CEP112: variants seen among roughly 807,000 people sequenced by gnomAD.
CEP112 encodes the protein centrosomal protein of 112 kDa.
Under a neutral mutation model 153.0 loss-of-function variants are expected in CEP112, and 127 were observed. The observed-to-expected ratio is 0.83, with a 90% CI of 0.72 to 0.96. The LOEUF (loss-of-function observed/expected upper bound fraction) is 0.96. Ranked by LOEUF, CEP112 falls within the 40% of genes least tolerant of loss-of-function variation. The pLI, the probability that CEP112 is intolerant of heterozygous loss-of-function variation, is 0.00. For synonymous variants in CEP112, 358 were observed against 374.4 expected, an observed-to-expected ratio of 0.96 and a Z score of 0.51; for missense variants, 1,089 against 1,101.2, an observed-to-expected ratio of 0.99 and a Z score of 0.16.
chr17:66,151,409 T>A (rs1010093271), intron 4 of CEP112, among the ~76,000 whole-genome samples: 1 of 152,232 alleles, frequency 6.6e-6, no homozygotes, highest in African/African-American at 2.4e-5. Flanking sequence ...CTAGGCAACA[T>A]CTAAGATGGC....
At chr17:66,101,060 G>A (rs2146309858) in intron 6 of CEP112, among the ~76,000 whole-genome samples, 1 of 152,158 alleles carries the variant, frequency 6.6e-6, no homozygotes, top group East Asian at 1.9e-4. Flanking sequence ...AAAATCCGAT[G>A]TGATATGCCG....
At chr17:66,055,867 A>G (rs1223930334) in intron 11 of CEP112, among the ~76,000 whole-genome samples, 1 of 152,192 alleles carries the variant, frequency 6.6e-6, no homozygotes, top group East Asian at 1.9e-4. Context: ...CTCATAGTCT[A>G]ACCAGAGGTG....
intron 4 of CEP112, among the ~76,000 whole-genome samples, chr17:66,162,001 G>A (rs528541951): frequency 1.3e-5 from 2 of 151,750 alleles, no homozygotes; most frequent in East Asian, 3.9e-4. Context: ...ATTCTCTTAC[G>A]GCAGCACGAA....
At chr17:65,638,752 G>T (rs565860250) in intron 25 of CEP112, among the ~76,000 whole-genome samples, 5 of 152,068 alleles carry the variant, frequency 3.3e-5, no homozygotes, top group Non-Finnish European at 5.9e-5. Flanking sequence ...TGACTCCTGC[G>T]TGCAGCTGCC....
intron 16 of CEP112, among the ~76,000 whole-genome samples, chr17:66,008,347 TTCC>T (rs2064362531): frequency 6.6e-6 from 1 of 152,110 alleles, no homozygotes; most frequent in Non-Finnish European, 1.5e-5. Flanking sequence ...CAGATACTTA[TTCC>T]TCCTGTCTAA....
intron 24 of CEP112, among the ~76,000 whole-genome samples, chr17:65,650,730 T>TAAAAATAA (rs1555602782): frequency 2.3e-5 from 1 of 44,234 alleles, no homozygotes; most frequent in African/African-American, 1.0e-4. Context: ...AACTCTCTAC[T>TAAAAATAA]AAAAAAAAAA....
intron 4 of CEP112, among the ~76,000 whole-genome samples, chr17:66,168,638 A>G (rs1402835911): frequency 1.3e-5 from 2 of 152,110 alleles, no homozygotes; most frequent in Non-Finnish European, 2.9e-5. Context: ...GGAGTCCATA[A>G]TAGCCCAAAA....
intron 6 of CEP112, among the ~76,000 whole-genome samples, chr17:66,128,302 C>CAAAAAAAAAAAAAAAAA (rs33978059): frequency 2.7e-5 from 2 of 73,526 alleles, no homozygotes; most frequent in African/African-American, 5.4e-5. Context: ...GATTCTGTCT[C>CAAAAAAAAAAAAAAAAA]AAAAAAAAAA....
At chr17:65,961,741 T>C (rs1218415222) in intron 17 of CEP112, 143 bp from the exon 18 acceptor site, 1 of 736,782 alleles carries the variant, frequency 1.4e-6, no homozygotes, top group Non-Finnish European at 2.1e-6. Flanking sequence ...TTTAGAAATT[T>C]GACAATAAAC....
At chr17:66,174,848 T>A (rs189574887) in intron 4 of CEP112, among the ~76,000 whole-genome samples, 196 bp downstream of exon 4, 1 of 152,278 alleles carries the variant, frequency 6.6e-6, no homozygotes, top group East Asian at 1.9e-4. Context: ...GGACCACTTG[T>A]CAAGCAATCA....
intron 17 of CEP112, among the ~76,000 whole-genome samples, chr17:65,964,687 G>C (rs571755039): frequency 1.6e-5 from 2 of 127,196 alleles, no homozygotes; most frequent in South Asian, 7.6e-4. Context: ...GAGGGAAAGG[G>C]TGCTGTGGTT....
chr17:65,641,405 G>A (rs1047841629), intron 24 of CEP112, among the ~76,000 whole-genome samples: 2 of 152,116 alleles, frequency 1.3e-5, no homozygotes, highest in African/African-American at 4.8e-5. Context: ...CCTTGATCAG[G>A]ATGTGAACTC....
At chr17:65,772,093 A>G (rs2053389699) in intron 21 of CEP112, among the ~76,000 whole-genome samples, 2 of 152,184 alleles carry the variant, frequency 1.3e-5, no homozygotes, top group South Asian at 4.1e-4. Context: ...TACTTATACA[A>G]TGCAGCTAAA....
At chr17:66,012,710 T>C (rs1476605124) in intron 16 of CEP112, among the ~76,000 whole-genome samples, 1 of 152,202 alleles carries the variant, frequency 6.6e-6, no homozygotes. Context: ...GTCTTGGGGA[T>C]GGTCTTCTTG....
chr17:65,753,346 G>A (rs907085193), intron 21 of CEP112, among the ~76,000 whole-genome samples: 14 of 152,104 alleles, frequency 9.2e-5, no homozygotes, highest in South Asian at 2.1e-4. Context: ...AGTGGATGCC[G>A]TACAAGCCCT....
In CEP112 at chr17:66,010,382, G is replaced by A. The variant is rs548644555; in HGVS notation, c.1657-4613C>T. Among the ~76,000 whole-genome samples the A allele has an allele frequency of 5.9e-5, 9 of 152,120 alleles. No individual in the cohort carries two copies. The South Asian group carries it at 1.9e-3, about 32-fold the overall frequency. ...GATCAAGGAGTTTGGGGTTTTCTAG[G>A]CATAGAATCATATCATCCGCAAACA... is the stretch of plus-strand genomic sequence containing the variant. On this transcript the variant is annotated intron_variant, in intron 16 of 26. Coordinates refer to ENST00000535342, the MANE Select transcript of CEP112 (RefSeq NM_001199165.4).
intron 1 of CEP112, among the ~76,000 whole-genome samples, 182 bp from the exon 2 acceptor site, chr17:66,183,489 A>G (rs11654248): frequency 0.25 from 37,652 of 152,092 alleles, 4,819 homozygotes; most frequent in Non-Finnish European, 0.28. Flanking sequence ...GCTTAATTCT[A>G]AAATTTACAT....
intron 23 of CEP112, among the ~76,000 whole-genome samples, chr17:65,711,587 T>C (rs1223671392): frequency 1.3e-5 from 2 of 152,224 alleles, no homozygotes; most frequent in Non-Finnish European, 2.9e-5. Flanking sequence ...GGAAACTCTA[T>C]ATTAGGGCCA....
intron 18 of CEP112, among the ~76,000 whole-genome samples, chr17:65,949,534 G>A (rs1299617372): frequency 6.6e-6 from 1 of 152,126 alleles, no homozygotes; most frequent in East Asian, 1.9e-4. Flanking sequence ...GATCCTAGAG[G>A]CATGCGCCAA....
Sources: gnomAD v4.1 joint callset for allele counts (sites outside exome capture counted in the v4.1 genomes callset) on GRCh38, gnomAD v4.1.1 for gene constraint, MANE v1.5 for transcripts, NCBI Gene and HGNC (gene_info 2026-07-23, HGNC 2026-07-21) for gene names.